Variants in NLN observed in about 807,000 individuals in gnomAD.
NLN encodes neurolysin.
Under a neutral mutation model 79.9 loss-of-function variants are expected in NLN, and 64 were observed. The ratio of observed to expected loss-of-function variants is 0.80; its 90% CI spans 0.65 to 0.99. NLN has a LOEUF of 0.99. NLN is among the 50% of genes least tolerant of loss of function. NLN has a pLI of 0.00. For missense variants in NLN, 835 were observed against 858.7 expected (o/e 0.97, Z 0.34); for synonymous variants, 267 against 296.6 (o/e 0.90, Z 1.02).
At chr5:65,734,418 A>G (rs1224376131) in intron 1 of NLN, among the ~76,000 whole-genome samples, 1 of 138,708 alleles carries the variant, frequency 7.2e-6, no homozygotes, top group Non-Finnish European at 1.6e-5. Context: ...CTTGGCATCA[A>G]TAAAGCCTTC....
At chr5:65,808,067 C>A (rs1309924511) in intron 9 of NLN, among the ~76,000 whole-genome samples, 5 of 152,138 alleles carry the variant, frequency 3.3e-5, no homozygotes, top group African/African-American at 1.2e-4. Flanking sequence ...TCTTTCCCTG[C>A]AAGATTTTTT....
chr5:65,744,983 C>T (rs1758943980), intron 1 of NLN, among the ~76,000 whole-genome samples: 1 of 152,160 alleles, frequency 6.6e-6, no homozygotes, highest in Non-Finnish European at 1.5e-5. Flanking sequence ...TGGGAGTACA[C>T]TGTTTCCAAG....
intron 3 of NLN, among the ~76,000 whole-genome samples, chr5:65,776,653 G>A (rs763315899): frequency 6.6e-6 from 1 of 152,200 alleles, no homozygotes; most frequent in Non-Finnish European, 1.5e-5. Context: ...TGTGCCATGT[G>A]TATTCTGCCA....
intron 1 of NLN, among the ~76,000 whole-genome samples, chr5:65,730,266 G>A (rs989387755): frequency 2.0e-5 from 3 of 152,174 alleles, no homozygotes; most frequent in African/African-American, 7.2e-5. Context: ...CCGATAGGAA[G>A]GAAATTGTAG....
At chr5:65,746,990 C>T (rs252652) in intron 1 of NLN, among the ~76,000 whole-genome samples, 11,558 of 140,040 alleles carry the variant, frequency 0.083, 646 homozygotes, top group Non-Finnish European at 0.12. Flanking sequence ...GGTGACTGAG[C>T]GAGATTCTGT....
chr5:65,800,168 G>A (rs1760252348), intron 9 of NLN, among the ~76,000 whole-genome samples: 1 of 152,136 alleles, frequency 6.6e-6, no homozygotes, highest in Non-Finnish European at 1.5e-5. Flanking sequence ...GCCATTAAAA[G>A]CAACTGTTCT....
Position 65,757,037 on chromosome 5 carries a change from A to G in NLN, c.42-1530A>G, listed in dbSNP as rs1341928666. Among the ~76,000 whole-genome samples, 3 of 152,018 alleles carry G rather than the reference A, an allele frequency of 2.0e-5. 1 individual carries two copies. In the East Asian group the frequency reaches 5.8e-4, roughly 29 times the overall value. The stretch of plus-strand genomic sequence containing the variant: ...TCTCTTTGCTTACACTTGTCATAAC[A>G]CTCATCTCAGTGTAGTATAATTGCA... On this transcript the variant is annotated intron_variant, in intron 1 of 12. Transcript: ENST00000380985.
rs1274961449 is a variant in NLN at position 65,810,051 on chromosome 5, C to T, written c.1729C>T (p.Arg577Cys). 8 of 1,613,890 alleles carry T rather than the reference C, an allele frequency of 5.0e-6. No individual in the cohort carries two copies. Among genetic ancestry groups the T allele is most frequent in the Admixed American group, 3.3e-5 (2 of 60,000 alleles). Reference protein sequence around the residue: ...RLVNTGLLTLRQIVLSKVDQS... With the variant: ...RLVNTGLLTLCQIVLSKVDQS... ...TATGTTATTAGGTCTTCTGACCCTG[C>T]GCCAGATTGTTTTGAGCAAAGTTGA... Residue 577 changes from arginine to cysteine, a missense_variant, in exon 11 of 13, where the codon CGC becomes TGC. Coordinates refer to ENST00000380985, the MANE Select transcript of NLN (RefSeq NM_020726.5).
chr5:65,795,522 A>G (rs374708973), intron 9 of NLN, among the ~76,000 whole-genome samples: 15 of 152,154 alleles, frequency 9.9e-5, no homozygotes, highest in African/African-American at 3.6e-4. Context: ...CCCCATCTCA[A>G]CTAAAAATAC....
chr5:65,777,142 C>A (rs1759697501), intron 3 of NLN, among the ~76,000 whole-genome samples: 1 of 152,208 alleles, frequency 6.6e-6, no homozygotes, highest in African/African-American at 2.4e-5. Context: ...TTAGATTATG[C>A]AAATGCTCTG....
chr5:65,733,289 C>T lies in NLN; in HGVS notation c.41+10875C>T. 3.3e-6 allele frequency: 5 copies of T among 1,515,074 alleles called. 1 individual carries two copies. The highest frequency in any genetic ancestry group is 4.5e-6 in the Non-Finnish European group (5 of 1,105,622). 93.9% of individuals were successfully genotyped at this position (1,515,074 alleles called of 1,614,324 possible). On this transcript the variant is annotated intron_variant, in intron 1 of 12. Transcript: ENST00000380985. ...AGAAAGTTGCTGCTACTCTCGAGAC[C>T]CTCACGTTAAAGGACTGTCAGATCC... is the stretch of plus-strand genomic sequence containing the variant.
intron 1 of NLN, among the ~76,000 whole-genome samples, chr5:65,729,823 T>A (rs1758567162): frequency 6.6e-6 from 1 of 152,240 alleles, no homozygotes; most frequent in African/African-American, 2.4e-5. Context: ...ATTAAAGATA[T>A]GAAGAACCAA....
At chr5:65,772,576 C>T (rs1437791588) in intron 3 of NLN, among the ~76,000 whole-genome samples, 1 of 152,148 alleles carries the variant, frequency 6.6e-6, no homozygotes, top group African/African-American at 2.4e-5. Context: ...TAGTAAATGT[C>T]ATGGACTGGG....
chr5:65,811,487 T>C (rs1760543687), intron 11 of NLN, among the ~76,000 whole-genome samples: 1 of 151,598 alleles, frequency 6.6e-6, no homozygotes, highest in Admixed American at 6.6e-5. Context: ...CAAAATCCTA[T>C]ATAAAGTAGC....
intron 1 of NLN, among the ~76,000 whole-genome samples, chr5:65,745,189 C>T (rs1251380464): frequency 1.3e-5 from 2 of 152,204 alleles, no homozygotes; most frequent in East Asian, 1.9e-4. Context: ...CACTTCTCCA[C>T]AGCCCCTGCA....
At chr5:65,813,362 T>A (rs1334405006) in intron 12 of NLN, among the ~76,000 whole-genome samples, 2 of 152,120 alleles carry the variant, frequency 1.3e-5, no homozygotes, top group Non-Finnish European at 2.9e-5. Context: ...TGACTATTGT[T>A]CTCACAGACA....
intron 6 of NLN, 112 bp from the exon 7 acceptor site, chr5:65,785,661 TAA>T: frequency 1.2e-6 from 1 of 817,934 alleles, no homozygotes; most frequent in Non-Finnish European, 1.8e-6. Context: ...TTAAATGGTC[TAA>T]AAATATTTGA....
intron 3 of NLN, among the ~76,000 whole-genome samples, chr5:65,769,700 T>A (rs1301763095): frequency 1.3e-5 from 2 of 152,222 alleles, no homozygotes; most frequent in Non-Finnish European, 2.9e-5. Context: ...ATGACTCATA[T>A]AACCTTGATT....
chr5:65,809,856 C>A (rs139381696), intron 10 of NLN, among the ~76,000 whole-genome samples, 155 bp downstream of exon 10: 3 of 152,240 alleles, frequency 2.0e-5, no homozygotes, highest in African/African-American at 4.8e-5. Context: ...GAATAGGAAA[C>A]CCCGGAATTT....
Sources: allele counts gnomAD v4.1 joint callset (sites outside exome capture counted in the v4.1 genomes callset), GRCh38; gene constraint gnomAD v4.1.1; transcripts MANE v1.5; gene names NCBI Gene and HGNC (gene_info 2026-07-23, HGNC 2026-07-21).